The following F11R variants were observed in gnomAD, a reference collection of about 807,000 sequenced individuals.
F11R encodes junctional adhesion molecule A.
Under a neutral mutation model 39.3 loss-of-function variants are expected in F11R, and 27 were observed. That is an observed-to-expected ratio of 0.69 (90% confidence interval 0.51 to 0.95). The LOEUF is 0.95. F11R is among the 40% of genes least tolerant of loss of function. F11R has a pLI of 0.00. For missense variants in F11R, 335 were observed against 372.7 expected (o/e 0.90, Z 0.83); for synonymous variants, 131 against 144.9 (o/e 0.90, Z 0.69).
intron 1 of F11R, 114 bp downstream of exon 1, chr1:161,020,896 C>T: frequency 3.3e-6 from 3 of 902,978 alleles, no homozygotes; most frequent in South Asian, 1.3e-5. Flanking sequence ...ATTCGCAGAA[C>T]GATATAGGAA....
rs772170121 is a variant in F11R at position 161,000,343 on chromosome 1, G to A, written c.394C>T (p.Pro132Ser). The A allele has an allele frequency of 4.3e-6, 7 of 1,613,688 alleles. No homozygotes were observed. In the South Asian group the frequency reaches 7.7e-5, roughly 18 times the overall value. The change falls in exon 5 of 10, where the codon CCA (proline) becomes TCA (serine). Residue 132 changes from proline (P) to serine (S), a missense_variant. Pro to Ser is a moderately conservative substitution (Grantham distance 74). Coordinates refer to ENST00000368026, the MANE Select transcript of F11R (RefSeq NM_016946.6). ...GGGATGTTAACTGTAGGCTTGGATG[G>A]AGGCACTGTGGAAGAGAAAGACAGA... ...VKVKLIVLVP[P>S]SKPTVNIPSS...
chr1:161,011,864 A>G (rs1025141300), intron 1 of F11R, among the ~76,000 whole-genome samples: 1 of 152,148 alleles, frequency 6.6e-6, no homozygotes, highest in East Asian at 1.9e-4. Context: ...TATTTTCTCC[A>G]TAGTCCTTTG....
rs562289604 is a variant in F11R at position 161,015,864 on chromosome 1, T to G, written c.64+5146A>C. On this transcript the variant is annotated intron_variant, in intron 1 of 9. Transcript: ENST00000368026. ...GGGTTTGGGGTGAACAGGAGCAACA[T>G]GGGAATGAGATACCCCACCCCTTTG... 3.9e-5 allele frequency among the ~76,000 whole-genome samples: 6 copies of G among 152,108 alleles called. No homozygotes were observed. In the South Asian group the frequency reaches 1.2e-3, roughly 31 times the overall value.
At position 161,015,267 on chromosome 1, in the gene F11R, G is replaced by A. The variant is rs539803395; in HGVS notation, c.64+5743C>T. Among the ~76,000 whole-genome samples the A allele has an allele frequency of 2.2e-4, 33 of 149,820 alleles. No individual in the cohort carries two copies. In the East Asian group the frequency reaches 5.3e-3, roughly 24 times the overall value. The stretch of plus-strand genomic sequence containing the variant: ...ACAAAAAATCAGCCGGAGTGGTGGC[G>A]GGCCCCTGTAGTCCCAGCTACTCGG... On this transcript the variant is annotated intron_variant, in intron 1 of 9. Coordinates refer to ENST00000368026, the MANE Select transcript of F11R (RefSeq NM_016946.6).
chr1:161,020,997 T>C lies in F11R; in HGVS notation c.64+13A>G, dbSNP rs28365981. ...CCGACCAACCGATTCCTCCCGAAAC[T>C]CTGGGAACTTACACAACAGGATCGC... On this transcript the variant is annotated intron_variant, in intron 1 of 9. Coordinates refer to ENST00000368026, the MANE Select transcript of F11R (RefSeq NM_016946.6). 1.4e-5 allele frequency: 22 copies of C among 1,613,758 alleles called. No individual in the cohort carries two copies. The East Asian group carries it at 4.9e-4, about 36-fold the overall frequency.
chr1:161,010,708 G>T (rs1453087274), intron 1 of F11R, among the ~76,000 whole-genome samples: 2 of 152,036 alleles, frequency 1.3e-5, no homozygotes, highest in Non-Finnish European at 2.9e-5. Context: ...TATTTTGGCT[G>T]GGTGCAGTGG....
Position 160,998,672 on chromosome 1 carries a change from T to A in F11R, c.*199A>T. The A allele has an allele frequency of 1.6e-6, 1 of 616,058 alleles. No homozygotes were observed. The allele number at this position is 616,058 out of a possible 1,614,324, so 38.2% of individuals were successfully genotyped here. On this transcript the variant is annotated 3_prime_UTR_variant, in exon 10 of 10. Transcript: ENST00000368026. ...AAACAAGTTCCAGGCCACTCAGCAG[T>A]GGTAGGAAAGGGAGGGAGGGCATGA...
chr1:161,019,490 G>A (rs573055184), intron 1 of F11R, among the ~76,000 whole-genome samples: 39 of 151,990 alleles, frequency 2.6e-4, no homozygotes, highest in African/African-American at 9.2e-4. Flanking sequence ...AGCTACTCGG[G>A]AGGCTGAGGC....
chr1:160,998,036 G>A lies in F11R; in HGVS notation c.*835C>T, dbSNP rs1393585527. ...CCTGAGCAGCTGGGATTACAGGCAT[G>A]CACCACTATGCCTGGCTAACTTTGT... On this transcript the variant is annotated 3_prime_UTR_variant, in exon 10 of 10. Transcript: ENST00000368026. 1 of 151,918 alleles carries A rather than the reference G, an allele frequency of 6.6e-6. No individual in the cohort carries two copies. The highest frequency in any genetic ancestry group is 2.4e-5 in the African/African-American group (1 of 41,276). 9.4% of individuals were successfully genotyped at this position (151,918 alleles called of 1,614,324 possible). A position where few individuals can be genotyped will look rare whatever the true frequency, so the allele number is the denominator to read the frequency against.
chr1:161,020,341 G>T (rs747736577), intron 1 of F11R, among the ~76,000 whole-genome samples: 35 of 152,288 alleles, frequency 2.3e-4, no homozygotes, highest in Middle Eastern at 3.4e-3. Context: ...TCAACAACAC[G>T]TATTAAGGAC....
chr1:160,999,877 A>G lies in F11R; in HGVS notation c.693T>C (p.Ala231=). 2 of 1,614,018 alleles carry G rather than the reference A, an allele frequency of 1.2e-6. No homozygotes were observed. The highest frequency in any genetic ancestry group is 1.7e-6 in the Non-Finnish European group (2 of 1,179,922). Residue 231 remains alanine, a splice_region_variant and synonymous_variant, in exon 6 of 10, where the codon GCT becomes GCC. Transcript: ENST00000368026. ...PMTSNAVRME[A]VERNVGVIVA... ...CTGGGCTCAAGCCCTAACTCTCACC[A>G]GCTTCCATGCGCACAGCATTTGAAG...
intron 1 of F11R, among the ~76,000 whole-genome samples, chr1:161,007,191 C>T (rs939155810): frequency 1.4e-5 from 2 of 138,514 alleles, no homozygotes; most frequent in African/African-American, 2.7e-5. Context: ...AAATGCTGGG[C>T]GCAGTGGCTC....
At chr1:161,002,501 T>G (rs981347337) in intron 1 of F11R, 1 of 152,110 alleles carries the variant, frequency 6.6e-6, no homozygotes, top group African/African-American at 2.4e-5. Context: ...TGACCAGGGA[T>G]TCTGGGATCA....
rs1306909378 is a variant in F11R at position 161,009,717 on chromosome 1, C to A, written c.65-8364G>T. On this transcript the variant is annotated intron_variant, in intron 1 of 9. Coordinates refer to ENST00000368026, the MANE Select transcript of F11R (RefSeq NM_016946.6). Reference sequence around the variant, plus strand: ...GTGCGGTGGCTCACGCCTATAATCCCAGCACTTTGGGAGGCCGATGTGGGT... The same window carrying A: ...GTGCGGTGGCTCACGCCTATAATCCAAGCACTTTGGGAGGCCGATGTGGGT... 3.7e-4 allele frequency among the ~76,000 whole-genome samples: 56 copies of A among 151,938 alleles called. No individual in the cohort carries two copies. In the East Asian group the frequency reaches 0.011, roughly 29 times the overall value.
intron 8 of F11R, 113 bp from the exon 9 acceptor site, chr1:160,999,204 C>A (rs1265702135): frequency 6.9e-7 from 1 of 1,453,270 alleles, no homozygotes; most frequent in East Asian, 2.4e-5. Flanking sequence ...GAGTGCGCAG[C>A]AGACAGGTAT....
At chr1:161,000,094 G>T in intron 5 of F11R, 52 bp downstream of exon 5, 1 of 1,606,492 alleles carries the variant, frequency 6.2e-7, no homozygotes, top group Non-Finnish European at 8.5e-7. Context: ...CCACCTTTTG[G>T]GGTTCTATAA....
chr1:160,999,348 C>T, intron 8 of F11R, 48 bp downstream of exon 8: 1 of 1,613,234 alleles, frequency 6.2e-7, no homozygotes, highest in Non-Finnish European at 8.5e-7. Context: ...AAACCACATG[C>T]ATCCATGCTC....
intron 1 of F11R, among the ~76,000 whole-genome samples, chr1:161,013,978 G>A (rs994734878): frequency 1.3e-5 from 2 of 152,162 alleles, no homozygotes; most frequent in African/African-American, 2.4e-5. Flanking sequence ...TGACGCAGCC[G>A]GACTTTAGAC....
intron 1 of F11R, among the ~76,000 whole-genome samples, chr1:161,012,497 A>G (rs989476124): frequency 3.9e-5 from 6 of 152,068 alleles, no homozygotes; most frequent in East Asian, 1.9e-4. Context: ...AACATAAAAA[A>G]GAATATAACA....
Sources: gnomAD v4.1 joint callset for allele counts (sites outside exome capture counted in the v4.1 genomes callset) on GRCh38, gnomAD v4.1.1 for gene constraint, MANE v1.5 for transcripts, NCBI Gene and HGNC (gene_info 2026-07-23, HGNC 2026-07-21) for gene names.